The following GET4 variants were observed in gnomAD, a reference collection of about 807,000 sequenced individuals.
GET4 encodes the protein guided entry of tail-anchored proteins factor 4, also known as Golgi to ER traffic protein 4 homolog.
GET4 carries 20 observed loss-of-function variants against 40.0 expected under a neutral mutation model. The ratio of observed to expected loss-of-function variants is 0.50; its 90% confidence interval spans 0.35 to 0.73. The LOEUF is 0.73. Ranked by LOEUF, GET4 falls within the 30% of genes least tolerant of loss-of-function variation. The pLI is 0.01. For missense variants in GET4, 557 were observed against 454.0 expected, an observed-to-expected ratio of 1.23 and a Z score of -2.06; for synonymous variants, 280 against 194.6, an observed-to-expected ratio of 1.44 and a Z score of -3.65.
rs1389021245 is a variant in GET4, at chr7:892,402, C to G, written c.730C>G (p.Leu244Val). The change falls in exon 6 of 9, where the codon CTG (leucine) becomes GTG (valine). Residue 244 changes from leucine to valine, a missense_variant. Leu to Val is a conservative substitution (Grantham distance 32). Transcript: ENST00000265857. ...EPLLNFIWFLLLAVDGGKLTV... is the reference protein window; with the variant it reads ...EPLLNFIWFLVLAVDGGKLTV... ...GCTGCTTAACTTCATCTGGTTCCTG[C>G]TGCTGGCTGTGGACGGGTGCGTCTT... 1 of 1,589,904 alleles carries G rather than the reference C, an allele frequency of 6.3e-7. No homozygotes were observed. The highest frequency in any genetic ancestry group is 1.7e-5 in the Admixed American group (1 of 59,736).
rs955965593 is a variant in GET4 at position 891,086 on chromosome 7, C to A, written c.605+20C>A. 6.4e-7 allele frequency: 1 copy of A among 1,562,144 alleles called. No individual in the cohort carries two copies. The highest frequency in any genetic ancestry group is 8.7e-7 in the Non-Finnish European group (1 of 1,150,268). On this transcript the variant is annotated intron_variant, in intron 5 of 8. Transcript: ENST00000265857. ...GCTACAGTAGGTGTCTGTGGCTCTT[C>A]GGGTCTCGGCTTCCATTGCTGCCTT...
chr7:895,557 G>A lies in GET4; in HGVS notation c.*135G>A. The stretch of plus-strand genomic sequence containing the variant: ...GGTGGCCGCATGCCGGCGCGTGTCT[G>A]TTTCTGTGCGGCGGCTCAGGGTGGC... On this transcript the variant is annotated 3_prime_UTR_variant, in exon 9 of 9. Transcript: ENST00000265857. 6 of 529,948 alleles carry A rather than the reference G, an allele frequency of 1.1e-5. No individual in the cohort carries two copies. Among genetic ancestry groups the A allele is most frequent in the South Asian group, 7.3e-5 (3 of 41,204 alleles). 32.8% of individuals were successfully genotyped at this position (529,948 alleles called of 1,614,324 possible).
intron 1 of GET4, chr7:885,700 G>T: frequency 4.7e-6 from 1 of 212,634 alleles, no homozygotes; most frequent in South Asian, 8.2e-5. Flanking sequence ...TCAGCTCTCA[G>T]GTGGCCACAT....
rs531969499 is a variant in GET4, at chr7:894,520, G to A, written c.895+549G>A. 8.6e-4 allele frequency among the ~76,000 whole-genome samples: 131 copies of A among 152,242 alleles called. 1 individual carries two copies. The highest frequency in any genetic ancestry group is 2.5e-3 in the African/African-American group (105 of 41,532). ...CAGATGTCTGCCCTGGTGCAGCTGC[G>A]TCCTGTGGCAGGCCCTGTCCTCCCC... On this transcript the variant is annotated intron_variant, in intron 8 of 8. Coordinates refer to ENST00000265857, the MANE Select transcript of GET4 (RefSeq NM_015949.3).
At position 895,391 on chromosome 7, in the gene GET4, C is replaced by G. The variant is rs763112118; in HGVS notation, c.953C>G (p.Pro318Arg). Reference sequence around the variant, plus strand: ...GAGCAGGAGGATGGGGAGGAGAGCCCCAGCGACGGCAGCCCCATCGAGCTG... The same window carrying G: ...GAGCAGGAGGATGGGGAGGAGAGCCGCAGCGACGGCAGCCCCATCGAGCTG... ...SSEQEDGEES[P>R]SDGSPIELD Residue 318 changes from proline to arginine, a missense_variant, in exon 9 of 9, where the codon CCC becomes CGC. Physicochemically the swap from Pro to Arg is moderately radical, Grantham distance 103 (BLOSUM62 -2). Coordinates refer to ENST00000265857, the MANE Select transcript of GET4 (RefSeq NM_015949.3). 6.3e-7 allele frequency: 1 copy of G among 1,595,130 alleles called. No individual in the cohort carries two copies. Among genetic ancestry groups the G allele is most frequent in the African/African-American group, 1.3e-5 (1 of 74,542 alleles).
At chr7:894,830 G>A (rs552681650) in intron 8 of GET4, among the ~76,000 whole-genome samples, 1 of 152,360 alleles carries the variant, frequency 6.6e-6, no homozygotes, top group South Asian at 2.1e-4. Flanking sequence ...TACGTACAGA[G>A]TAGTTGTTGA....
At chr7:884,688 G>A (rs996272699) in intron 1 of GET4, 1 of 175,396 alleles carries the variant, frequency 5.7e-6, no homozygotes, top group African/African-American at 2.4e-5. Context: ...CCAACCCTTT[G>A]CGTTCTCGGC....
In GET4 at chr7:888,897, G is replaced by A. The variant is rs191325109; in HGVS notation, c.466+1378G>A. ...CCCCACCCCCTGCCCGGGAGCTGTC[G>A]TCTGTCTTTCGGATGAGTCAGGAAC... On this transcript the variant is annotated intron_variant, in intron 4 of 8. Coordinates refer to ENST00000265857, the MANE Select transcript of GET4 (RefSeq NM_015949.3). Among the ~76,000 whole-genome samples the A allele has an allele frequency of 4.7e-3, 720 of 152,312 alleles. 11 individuals carry two copies. The highest frequency in any genetic ancestry group is 1.5e-3 in the Non-Finnish European group (99 of 68,022).
At position 895,163 on chromosome 7, in the gene GET4, C is replaced by T. The variant is rs571651027; in HGVS notation, c.896-171C>T. Among the ~76,000 whole-genome samples the T allele has an allele frequency of 9.3e-5, 14 of 150,862 alleles. No individual in the cohort carries two copies. The South Asian group carries it at 2.5e-3, about 27-fold the overall frequency. On this transcript the variant is annotated intron_variant, in intron 8 of 8. Coordinates refer to ENST00000265857, the MANE Select transcript of GET4 (RefSeq NM_015949.3). ...ATCTCTGTGGTCGTCGGCTCCCTGGCCTCCAGAGTGTCCTGTCCCGGGGTT... is the reference window on the plus strand; with the variant it reads ...ATCTCTGTGGTCGTCGGCTCCCTGGTCTCCAGAGTGTCCTGTCCCGGGGTT...
intron 4 of GET4, 31 bp from the exon 5 acceptor site, chr7:890,897 G>C: frequency 3.9e-6 from 6 of 1,532,048 alleles, no homozygotes; most frequent in Non-Finnish European, 5.4e-6. Flanking sequence ...TTCGTGAAAT[G>C]TATTTACATT....
In GET4 at chr7:896,117, T is replaced by A. The variant is rs1480089756; in HGVS notation, c.*695T>A. ...AATGCCGCTTTAAAAAGGGATACCGTGGGACTCTGCCCGTCTCTTTCATAA... is the reference window on the plus strand; with the variant it reads ...AATGCCGCTTTAAAAAGGGATACCGAGGGACTCTGCCCGTCTCTTTCATAA... On this transcript the variant is annotated 3_prime_UTR_variant, in exon 9 of 9. Coordinates refer to ENST00000265857, the MANE Select transcript of GET4 (RefSeq NM_015949.3). 6.6e-6 allele frequency: 1 copy of A among 152,270 alleles called. No individual in the cohort carries two copies. The highest frequency in any genetic ancestry group is 6.5e-5 in the Admixed American group (1 of 15,288). 9.4% of individuals were successfully genotyped at this position (152,270 alleles called of 1,614,324 possible). A position where few individuals can be genotyped will look rare whatever the true frequency, so the allele number is the denominator to read the frequency against.
chr7:888,252 C>T (rs954593298), intron 4 of GET4, among the ~76,000 whole-genome samples: 6 of 152,204 alleles, frequency 3.9e-5, no homozygotes, highest in East Asian at 3.8e-4. Context: ...TCTAGAGTTC[C>T]GGATTGCTGA....
chr7:878,147 C>G (rs1844006319), intron 1 of GET4: 1 of 402,996 alleles, frequency 2.5e-6, no homozygotes, highest in Non-Finnish European at 5.2e-6. Flanking sequence ...CCTGCACGGC[C>G]GGTGTAGCCT....
intron 1 of GET4, among the ~76,000 whole-genome samples, chr7:877,089 C>T (rs1324220113): frequency 6.6e-6 from 1 of 151,808 alleles, no homozygotes; most frequent in Non-Finnish European, 1.5e-5. Context: ...CCACCTGTTC[C>T]CTCCTCCGTC....
chr7:889,222 G>A (rs2128628509), intron 4 of GET4, among the ~76,000 whole-genome samples: 1 of 152,404 alleles, frequency 6.6e-6, no homozygotes, highest in Non-Finnish European at 1.5e-5. Context: ...GTAGGTGCGG[G>A]CCCAGGTCCC....
At chr7:893,152 G>C (rs1844372898) in intron 6 of GET4, among the ~76,000 whole-genome samples, 1 of 147,242 alleles carries the variant, frequency 6.8e-6, no homozygotes, top group African/African-American at 2.5e-5. Context: ...GGTGAGTGTT[G>C]GGTGTAGGCG....
At chr7:876,851 C>A in intron 1 of GET4, 51 bp downstream of exon 1, 13 of 1,019,588 alleles carry the variant, frequency 1.3e-5, no homozygotes, top group Non-Finnish European at 1.6e-5. Context: ...CCGCCGCCTC[C>A]CATTGGCCGC....
chr7:881,164 C>T (rs1245003212), intron 1 of GET4: 1 of 152,176 alleles, frequency 6.6e-6, no homozygotes. Context: ...AGCACCCAGC[C>T]ATTTTTTAAA....
Position 876,608 on chromosome 7 carries a change from C to T in GET4, c.-38C>T. 1.7e-6 allele frequency: 2 copies of T among 1,167,484 alleles called. No homozygotes were observed. The highest frequency in any genetic ancestry group is 2.1e-6 in the Non-Finnish European group (2 of 942,230). 72.3% of individuals were successfully genotyped at this position (1,167,484 alleles called of 1,614,324 possible). A position where few individuals can be genotyped will look rare whatever the true frequency, so the allele number is the denominator to read the frequency against. ...AAGCCGGGAGGCGCTGCCGACCGCG[C>T]CTGCGACAGCGTCAGCCCTGCGCGG... On this transcript the variant is annotated 5_prime_UTR_variant, in exon 1 of 9. Coordinates refer to ENST00000265857, the MANE Select transcript of GET4 (RefSeq NM_015949.3).
Sources: allele counts gnomAD v4.1 joint callset (sites outside exome capture counted in the v4.1 genomes callset), GRCh38; gene constraint gnomAD v4.1.1; transcripts MANE v1.5; gene names NCBI Gene and HGNC (gene_info 2026-07-23, HGNC 2026-07-21).